NCOA2: variants seen among roughly 807,000 people sequenced by gnomAD.
NCOA2 encodes nuclear receptor coactivator 2, also known as class E basic helix-loop-helix protein 75.
A neutral mutation model predicts 145.1 loss-of-function variants in NCOA2; 21 were observed. That is an observed-to-expected ratio of 0.14 (90% CI 0.10 to 0.21). The LOEUF (loss-of-function observed/expected upper bound fraction) is 0.21, where lower values mean the gene tolerates loss of function less well. NCOA2 is among the 10% of genes least tolerant of loss of function. NCOA2 has a pLI of 1.00. For synonymous variants in NCOA2, 619 were observed against 637.5 expected (o/e 0.97, Z 0.44); for missense variants, 1,472 against 1,837.6 (o/e 0.80, Z 3.64).
chr8:70,360,672 T>C (rs956995207), intron 1 of NCOA2, among the ~76,000 whole-genome samples: 27 of 152,308 alleles, frequency 1.8e-4, no homozygotes, highest in African/African-American at 6.5e-4. Flanking sequence ...GTGCGGTGGC[T>C]CATGATTGTA....
chr8:70,212,280 A>T (rs1199357931), intron 4 of NCOA2, among the ~76,000 whole-genome samples: 1 of 152,094 alleles, frequency 6.6e-6, no homozygotes, highest in Non-Finnish European at 1.5e-5. Flanking sequence ...ATTTCTCCTA[A>T]GAGTTCTAGG....
chr8:70,380,336 T>A (rs576203161), intron 1 of NCOA2, among the ~76,000 whole-genome samples: 34 of 152,202 alleles, frequency 2.2e-4, no homozygotes, highest in African/African-American at 8.2e-4. Context: ...AAACCTAAAT[T>A]CTCTGTCAAG....
chr8:70,454,502 T>C, the NCOA2 span, among the ~76,000 whole-genome samples: 2 of 152,232 alleles, frequency 1.3e-5, no homozygotes, highest in Non-Finnish European at 1.5e-5. Context: ...TCTTTTGTTT[T>C]ATCTCAAAGG....
intron 1 of NCOA2, among the ~76,000 whole-genome samples, chr8:70,345,449 C>T (rs1318050871): frequency 2.6e-5 from 4 of 152,154 alleles, no homozygotes; most frequent in Non-Finnish European, 5.9e-5. Flanking sequence ...TGAGGGATTA[C>T]AAAAACAACA....
chr8:70,330,631 T>A (rs1225293106), intron 1 of NCOA2, among the ~76,000 whole-genome samples: 1 of 146,280 alleles, frequency 6.8e-6, no homozygotes, highest in East Asian at 2.0e-4. Flanking sequence ...GTAAAAACAA[T>A]AGCTGGCAGT....
intron 1 of NCOA2, among the ~76,000 whole-genome samples, chr8:70,321,792 C>CTTTTTTTTTTTTTT (rs1563762022): frequency 1.0e-5 from 1 of 97,528 alleles, no homozygotes; most frequent in Non-Finnish European, 2.0e-5. Context: ...TCAGAATATA[C>CTTTTTTTTTTTTTT]CTTTTTTTTT....
At chr8:70,450,000 T>C in the NCOA2 span, among the ~76,000 whole-genome samples, 1 of 144,938 alleles carries the variant, frequency 6.9e-6, no homozygotes. Flanking sequence ...TAGAATAATA[T>C]ATACCTTTTT....
At chr8:70,416,440 A>C in the NCOA2 span, among the ~76,000 whole-genome samples, 2 of 152,188 alleles carry the variant, frequency 1.3e-5, no homozygotes, top group East Asian at 3.8e-4. Context: ...AAGACAATAA[A>C]AAATTCATAC....
chr8:70,361,759 G>A (rs1409492296), intron 1 of NCOA2, among the ~76,000 whole-genome samples: 1 of 152,152 alleles, frequency 6.6e-6, no homozygotes, highest in Non-Finnish European at 1.5e-5. Flanking sequence ...TGTCCAAAAT[G>A]GAATGCCAAT....
intron 1 of NCOA2, among the ~76,000 whole-genome samples, chr8:70,330,025 T>C (rs920272125): frequency 1.3e-5 from 2 of 151,488 alleles, no homozygotes; most frequent in African/African-American, 2.4e-5. Context: ...CAAAGGCACA[T>C]ACATATTTAT....
intron 2 of NCOA2, among the ~76,000 whole-genome samples, chr8:70,231,468 C>G (rs1821126534): frequency 6.6e-6 from 1 of 152,206 alleles, no homozygotes; most frequent in East Asian, 1.9e-4. Flanking sequence ...TCTTTGGCCA[C>G]TAATCAATCA....
At chr8:70,212,242 A>T (rs1444052576) in intron 4 of NCOA2, among the ~76,000 whole-genome samples, 2 of 152,174 alleles carry the variant, frequency 1.3e-5, no homozygotes, top group Non-Finnish European at 2.9e-5. Flanking sequence ...AGCAACTTCA[A>T]GGCACTGGTT....
chr8:70,232,964 T>C (rs575634314), intron 2 of NCOA2, among the ~76,000 whole-genome samples: 8 of 152,070 alleles, frequency 5.3e-5, no homozygotes, highest in East Asian at 3.9e-4. Flanking sequence ...CGGTAGCTCA[T>C]GCCTGTAATC....
At position 70,270,194 on chromosome 8, in the gene NCOA2, G is replaced by GA. The variant is rs60887167; in HGVS notation, c.-20+26549dup. On this transcript the variant is annotated intron_variant, in intron 2 of 22. Coordinates refer to ENST00000452400, the MANE Select transcript of NCOA2 (RefSeq NM_006540.4). ...GAGACCTTGTCTCAAAAAACAGGGA[G>GA]AAAAAAAAAAAGAAGAAAAAAGAAA... Among the ~76,000 whole-genome samples, 1,286 of 137,036 alleles carry GA rather than the reference G, an allele frequency of 9.4e-3. 12 individuals carry two copies. Among genetic ancestry groups the GA allele is most frequent in the African/African-American group, 0.027 (1,014 of 37,600 alleles). 89.9% of individuals were successfully genotyped at this position (137,036 alleles called of 152,430 possible).
At chr8:70,332,648 T>A (rs1807214634) in intron 1 of NCOA2, among the ~76,000 whole-genome samples, 1 of 152,198 alleles carries the variant, frequency 6.6e-6, no homozygotes, top group Non-Finnish European at 1.5e-5. Context: ...ACAATTTAAA[T>A]AGATTTTTAA....
At chr8:70,410,804 G>C in the NCOA2 span, among the ~76,000 whole-genome samples, 1 of 152,170 alleles carries the variant, frequency 6.6e-6, no homozygotes, top group African/African-American at 2.4e-5. Context: ...GTAGTCGTAC[G>C]GGTGCATTCT....
At chr8:70,417,432 C>T in the NCOA2 span, among the ~76,000 whole-genome samples, 15,890 of 151,430 alleles carry the variant, frequency 0.1, 1,272 homozygotes, top group East Asian at 0.41. Context: ...GCCTGTAATC[C>T]CAGCTATTCG....
At chr8:70,249,339 G>GC (rs751330683) in intron 2 of NCOA2, among the ~76,000 whole-genome samples, 19 of 152,124 alleles carry the variant, frequency 1.2e-4, no homozygotes, top group Admixed American at 7.2e-4. Context: ...TGATTACGTT[G>GC]CAATATGAAA....
intron 2 of NCOA2, among the ~76,000 whole-genome samples, chr8:70,272,279 C>G (rs1393171003): frequency 6.6e-6 from 1 of 152,188 alleles, no homozygotes; most frequent in African/African-American, 2.4e-5. Context: ...TGCATTGATT[C>G]ATCCTAGAAG....
Sources: gnomAD v4.1 joint callset for allele counts (sites outside exome capture counted in the v4.1 genomes callset) on GRCh38, gnomAD v4.1.1 for gene constraint, MANE v1.5 for transcripts, NCBI Gene and HGNC (gene_info 2026-07-23, HGNC 2026-07-21) for gene names.